The following TANC1 variants were observed in gnomAD, a reference collection of about 807,000 sequenced individuals.
The protein encoded by TANC1 is protein TANC1.
A neutral mutation model predicts 149.7 loss-of-function variants in TANC1; 77 were observed. That is an observed-to-expected ratio of 0.51 (90% CI 0.43 to 0.62). The LOEUF (loss-of-function observed/expected upper bound fraction) is 0.62, where lower values mean the gene tolerates loss of function less well. Among genes scored for constraint, TANC1 ranks in the 20% least tolerant of loss-of-function variants. The probability of loss-of-function intolerance (pLI) is 0.00; values close to 1 mark genes in which losing one functional copy is unlikely to be tolerated. For synonymous variants in TANC1, 854 were observed against 925.0 expected (o/e 0.92, Z 1.39); for missense variants, 1,985 against 2,321.8 (o/e 0.85, Z 2.98).
At chr2:159,019,742 C>T (rs1158263131) in intron 2 of TANC1, among the ~76,000 whole-genome samples, 2 of 132,844 alleles carry the variant, frequency 1.5e-5, no homozygotes, top group East Asian at 2.4e-4. Context: ...GATCTCTGCT[C>T]ACAAAGTAGC....
Position 159,219,357 on chromosome 2 carries a change from A to G in TANC1, c.3498A>G (p.Ser1166=). 6.2e-7 allele frequency: 1 copy of G among 1,606,890 alleles called. No homozygotes were observed. Among genetic ancestry groups the G allele is most frequent in the East Asian group, 2.2e-5 (1 of 44,876 alleles). The part of the protein sequence containing the change: ...GHLSTVEFLL[S]KGAALSSLDK... ...TGAGCACCGTGGAATTCCTCCTTTC[A>G]AAAGGTAGCAGCGTGATGCCCTCAA... Residue 1166 remains serine, a synonymous_variant, in exon 21 of 27, where the codon TCA becomes TCG. Transcript: ENST00000263635.
intron 1 of TANC1, among the ~76,000 whole-genome samples, chr2:158,990,327 T>G (rs376065914): frequency 6.6e-6 from 1 of 152,346 alleles, no homozygotes; most frequent in East Asian, 1.9e-4. Flanking sequence ...AGAAGTTCCC[T>G]TCTTGTTTGA....
At position 159,215,270 on chromosome 2, in the gene TANC1, G is replaced by T. The variant is rs868672951; in HGVS notation, c.3245-2227G>T. ...CTCAGGTGATCCACGGGAGAGATGTGGCTACCTCTCTGTGACATGTGAAGA... is the reference window on the plus strand; with the variant it reads ...CTCAGGTGATCCACGGGAGAGATGTTGCTACCTCTCTGTGACATGTGAAGA... On this transcript the variant is annotated intron_variant, in intron 19 of 26. Coordinates refer to ENST00000263635, the MANE Select transcript of TANC1 (RefSeq NM_033394.3). Among the ~76,000 whole-genome samples the T allele has an allele frequency of 2.8e-4, 42 of 152,308 alleles. No homozygotes were observed. The Middle Eastern group carries it at 0.014, about 49-fold the overall frequency.
At chr2:159,090,939 G>A (rs2045465299) in intron 3 of TANC1, among the ~76,000 whole-genome samples, 1 of 152,142 alleles carries the variant, frequency 6.6e-6, no homozygotes, top group Non-Finnish European at 1.5e-5. Context: ...CTGGGCCTGG[G>A]TACCTCCCAA....
At chr2:158,993,741 T>A (rs1248031786) in intron 1 of TANC1, among the ~76,000 whole-genome samples, 1 of 152,222 alleles carries the variant, frequency 6.6e-6, no homozygotes, top group Non-Finnish European at 1.5e-5. Context: ...GAACTTTCTC[T>A]TCTTCGAACT....
chr2:159,118,007 G>C (rs1440465157), intron 4 of TANC1, among the ~76,000 whole-genome samples: 1 of 151,374 alleles, frequency 6.6e-6, no homozygotes, highest in Non-Finnish European at 1.5e-5. Context: ...TTCTCTACTG[G>C]TGTTTTTCTC....
At chr2:159,200,305 A>T (rs1285617007) in intron 19 of TANC1, among the ~76,000 whole-genome samples, 2 of 152,114 alleles carry the variant, frequency 1.3e-5, no homozygotes, top group Non-Finnish European at 2.9e-5. Flanking sequence ...CTGATTCACT[A>T]GGGGGAAAGC....
In TANC1 at chr2:159,055,591, A is replaced by G. The variant is rs113497861; in HGVS notation, c.-15-10305A>G. On this transcript the variant is annotated intron_variant, in intron 2 of 26. Transcript: ENST00000263635. The stretch of plus-strand genomic sequence containing the variant: ...CACATCCAAATTTTAAAAATTCTTT[A>G]AAAAGAACCAGACTCTTTCAACTTC... Among the ~76,000 whole-genome samples, 39 of 152,324 alleles carry G rather than the reference A, an allele frequency of 2.6e-4. 1 individual carries two copies. The highest frequency in any genetic ancestry group is 9.1e-4 in the African/African-American group (38 of 41,570).
chr2:158,985,827 A>G (rs1003079767), intron 1 of TANC1, among the ~76,000 whole-genome samples: 3 of 152,096 alleles, frequency 2.0e-5, no homozygotes, highest in African/African-American at 4.8e-5. Context: ...TATTTTTAGT[A>G]GAGACTGGGT....
intron 1 of TANC1, among the ~76,000 whole-genome samples, chr2:158,999,471 G>A (rs962003367): frequency 2.0e-5 from 3 of 152,146 alleles, no homozygotes; most frequent in African/African-American, 7.2e-5. Flanking sequence ...CCCTCAAATA[G>A]CCATCCAAGG....
chr2:159,093,296 A>G (rs1178031002), intron 3 of TANC1, among the ~76,000 whole-genome samples: 2 of 152,238 alleles, frequency 1.3e-5, no homozygotes, highest in African/African-American at 4.8e-5. Context: ...TCAAGGGTTA[A>G]GAAATATGCC....
At chr2:159,173,322 G>T (rs1374524028) in intron 11 of TANC1, among the ~76,000 whole-genome samples, 1 of 152,162 alleles carries the variant, frequency 6.6e-6, no homozygotes, top group African/African-American at 2.4e-5. Flanking sequence ...TGATTTCAAG[G>T]CCGGGCCTGG....
At chr2:159,166,767 C>G (rs2054638198) in intron 8 of TANC1, among the ~76,000 whole-genome samples, 1 of 152,198 alleles carries the variant, frequency 6.6e-6, no homozygotes, top group Non-Finnish European at 1.5e-5. Flanking sequence ...ATCTTCCTGC[C>G]CTATTCACTG....
chr2:159,153,269 C>G (rs2053056847), intron 7 of TANC1, among the ~76,000 whole-genome samples: 1 of 152,254 alleles, frequency 6.6e-6, no homozygotes, highest in South Asian at 2.1e-4. Flanking sequence ...GTTGTAACCT[C>G]TGCCATGATG....
chr2:159,232,163 A>G lies in TANC1; in HGVS notation c.*1151A>G, dbSNP rs2060355642. ...TATCTCATTTATATGAACACCTTTGAGGTGCTACTTAAGTCCAAGCTCTGA... is the reference window on the plus strand; with the variant it reads ...TATCTCATTTATATGAACACCTTTGGGGTGCTACTTAAGTCCAAGCTCTGA... On this transcript the variant is annotated 3_prime_UTR_variant, in exon 27 of 27. Coordinates refer to ENST00000263635, the MANE Select transcript of TANC1 (RefSeq NM_033394.3). 6.6e-6 allele frequency: 1 copy of G among 152,640 alleles called. No homozygotes were observed. The highest frequency in any genetic ancestry group is 1.5e-5 in the Non-Finnish European group (1 of 68,022). 9.5% of individuals were successfully genotyped at this position (152,640 alleles called of 1,614,324 possible). A position where few individuals can be genotyped will look rare whatever the true frequency, so the allele number is the denominator to read the frequency against.
At position 158,987,454 on chromosome 2, in the gene TANC1, G is replaced by T. The variant is rs147255870; in HGVS notation, c.-125-13626G>T. 4.8e-3 allele frequency among the ~76,000 whole-genome samples: 716 copies of T among 150,518 alleles called. 7 individuals are homozygous for T. The highest frequency in any genetic ancestry group is 0.025 in the Middle Eastern group (7 of 280). On this transcript the variant is annotated intron_variant, in intron 1 of 26. Transcript: ENST00000263635. The stretch of plus-strand genomic sequence containing the variant: ...GGGGTAGGAGGATCGCTTGAGCCCA[G>T]AAGGTCAAGGCTACAGTGAGCTATG...
intron 2 of TANC1, among the ~76,000 whole-genome samples, chr2:159,048,963 T>G (rs902693673): frequency 1.3e-5 from 2 of 152,170 alleles, no homozygotes; most frequent in African/African-American, 4.8e-5. Context: ...CTTGGGAGCA[T>G]GGATGGACTT....
chr2:159,210,130 T>G (rs1199807756), intron 19 of TANC1, among the ~76,000 whole-genome samples: 1 of 152,152 alleles, frequency 6.6e-6, no homozygotes, highest in African/African-American at 2.4e-5. Flanking sequence ...CTGGAGGTAC[T>G]CAGTTCCAGT....
chr2:159,044,092 G>A (rs1329689960), intron 2 of TANC1, among the ~76,000 whole-genome samples: 3 of 152,158 alleles, frequency 2.0e-5, no homozygotes, highest in Non-Finnish European at 2.9e-5. Context: ...CTTGCTAACC[G>A]TGTGCTGAGA....
Sources: gnomAD v4.1 joint callset for allele counts (sites outside exome capture counted in the v4.1 genomes callset) on GRCh38, gnomAD v4.1.1 for gene constraint, MANE v1.5 for transcripts, NCBI Gene and HGNC (gene_info 2026-07-23, HGNC 2026-07-21) for gene names.